The following XIRP2 variants were observed in gnomAD, a reference collection of about 807,000 sequenced individuals.
The protein encoded by XIRP2 is xin actin binding repeat containing 2, also known as xin actin-binding repeat-containing protein 2.
In XIRP2, 236 loss-of-function variants were observed where a neutral mutation model predicts 277.0. The observed-to-expected ratio is 0.85, with a 90% CI of 0.77 to 0.95. The LOEUF (loss-of-function observed/expected upper bound fraction) is 0.95. Ranked by LOEUF, XIRP2 falls within the 40% of genes least tolerant of loss-of-function variation. The pLI is 0.00. For missense variants in XIRP2, 4,640 were observed against 4,157.5 expected, an observed-to-expected ratio of 1.12 and a Z score of -3.19; for synonymous variants, 1,490 against 1,416.5, an observed-to-expected ratio of 1.05 and a Z score of -1.17.
intron 2 of XIRP2, among the ~76,000 whole-genome samples, chr2:166,982,147 C>T (rs978324351): frequency 6.6e-6 from 1 of 151,502 alleles, no homozygotes; most frequent in Non-Finnish European, 1.5e-5. Context: ...CTTTTTCTTT[C>T]GATATTTTAA....
chr2:167,234,629 G>T (rs947087626), intron 5 of XIRP2, among the ~76,000 whole-genome samples: 2 of 151,690 alleles, frequency 1.3e-5, no homozygotes, highest in African/African-American at 4.8e-5. Flanking sequence ...AACATTATCA[G>T]TTTAAGAGCT....
intron 2 of XIRP2, among the ~76,000 whole-genome samples, chr2:166,921,951 TA>T (rs1449306936): frequency 6.6e-6 from 1 of 152,172 alleles, no homozygotes; most frequent in African/African-American, 2.4e-5. Flanking sequence ...CTTACCACTC[TA>T]TATGCCTTAC....
intron 2 of XIRP2, among the ~76,000 whole-genome samples, chr2:167,005,953 G>C (rs143327900): frequency 1.3e-5 from 2 of 151,794 alleles, no homozygotes; most frequent in Admixed American, 6.6e-5. Flanking sequence ...GGTCTGATGC[G>C]TGTCCACATC....
intron 2 of XIRP2, among the ~76,000 whole-genome samples, chr2:167,134,238 A>T (rs539748807): frequency 1.3e-5 from 2 of 151,002 alleles, no homozygotes; most frequent in South Asian, 4.2e-4. Context: ...TATGTATATT[A>T]TATATTTGTG....
chr2:167,083,766 C>G (rs1387200734), intron 2 of XIRP2, among the ~76,000 whole-genome samples: 1 of 152,122 alleles, frequency 6.6e-6, no homozygotes, highest in East Asian at 1.9e-4. Context: ...TATAAGAATG[C>G]TTGTGATTTT....
In XIRP2 at chr2:167,247,812, T is replaced by C. The variant is rs769076906; in HGVS notation, c.6420T>C (p.His2140=). 1 of 1,613,414 alleles carries C rather than the reference T, an allele frequency of 6.2e-7. No homozygotes were observed. The highest frequency in any genetic ancestry group is 1.7e-5 in the Admixed American group (1 of 59,938). The change falls in exon 9 of 11, where the codon CAT becomes CAC. Residue 2140 remains histidine (H), a synonymous_variant. Transcript: ENST00000409195. Reference sequence around the variant, plus strand: ...ACCACCAGAAAATGGAGGGTTTTCATATAAAGAGTCCTAAAAAGACCAAAA... The same window carrying C: ...ACCACCAGAAAATGGAGGGTTTTCACATAAAGAGTCCTAAAAAGACCAAAA... ...RNDHQKMEGF[H]IKSPKKTKNI...
chr2:167,178,027 C>T (rs1423639341), intron 3 of XIRP2, among the ~76,000 whole-genome samples: 1 of 145,968 alleles, frequency 6.9e-6, no homozygotes, highest in Admixed American at 6.8e-5. Flanking sequence ...CAACATTATT[C>T]AGTAAAAACA....
At chr2:167,188,050 G>C (rs1693208676) in intron 3 of XIRP2, among the ~76,000 whole-genome samples, 1 of 152,234 alleles carries the variant, frequency 6.6e-6, no homozygotes, top group African/African-American at 2.4e-5. Context: ...TCTCCTCTGG[G>C]AGTATTACTG....
chr2:166,940,430 CCTT>C (rs1401244907), intron 2 of XIRP2, among the ~76,000 whole-genome samples: 1 of 152,178 alleles, frequency 6.6e-6, no homozygotes, highest in Non-Finnish European at 1.5e-5. Context: ...TCGTCTGAAG[CCTT>C]CTTCTCTCAA....
chr2:167,148,658 G>T (rs1005870495), intron 3 of XIRP2, among the ~76,000 whole-genome samples: 15 of 151,830 alleles, frequency 9.9e-5, no homozygotes, highest in African/African-American at 2.9e-4. Flanking sequence ...TTGTCAGGTT[G>T]GAATTTTAGA....
chr2:167,195,395 C>G (rs1026491688), intron 3 of XIRP2, among the ~76,000 whole-genome samples: 3 of 152,212 alleles, frequency 2.0e-5, no homozygotes, highest in African/African-American at 7.2e-5. Context: ...TATATTCTCT[C>G]TGATCACAGT....
chr2:167,246,695 C>G lies in XIRP2; in HGVS notation c.5303C>G (p.Thr1768Arg). The G allele has an allele frequency of 6.2e-7, 1 of 1,613,640 alleles. No individual in the cohort carries two copies. Among genetic ancestry groups the G allele is most frequent in the South Asian group, 1.1e-5 (1 of 91,066 alleles). Residue 1768 changes from threonine (T) to arginine (R), a missense_variant, in exon 9 of 11, where the codon ACA becomes AGA. Physicochemically the swap from Thr to Arg is moderately conservative, Grantham distance 71 (BLOSUM62 -1). Transcript: ENST00000409195. ...CAACTCCACACAGAGTCAAATGAAA[C>G]ACTGACAGCTAAGAAACAAGAAGGA... ...LKQLHTESNETLTAKKQEGEK... is the reference protein window; with the variant it reads ...LKQLHTESNERLTAKKQEGEK...
In XIRP2 at chr2:167,242,813, A is replaced by T. The variant is rs754144713; in HGVS notation, c.1421A>T (p.Glu474Val). 19 of 1,613,984 alleles carry T rather than the reference A, an allele frequency of 1.2e-5. No homozygotes were observed. The highest frequency in any genetic ancestry group is 1.6e-5 in the Non-Finnish European group (19 of 1,179,950). The change falls in exon 9 of 11, where the codon GAA (glutamate) becomes GTA (valine). Residue 474 changes from glutamate (E) to valine (V), a missense_variant. Transcript: ENST00000409195. ...GTGACAGCATTTTCCCAGTCCCCTG[A>T]ACTGCCCAGTCCTCCTAGAAGACTA... is the stretch of plus-strand genomic sequence containing the variant. Reference protein sequence around the residue: ...VDVTAFSQSPELPSPPRRLPV... With the variant: ...VDVTAFSQSPVLPSPPRRLPV...
chr2:167,040,105 C>T (rs1208970697), intron 2 of XIRP2, among the ~76,000 whole-genome samples: 2 of 151,828 alleles, frequency 1.3e-5, no homozygotes, highest in African/African-American at 2.4e-5. Context: ...ATATTAGAAG[C>T]ATTTTGTAAT....
intron 2 of XIRP2, among the ~76,000 whole-genome samples, chr2:167,128,451 C>T (rs923201179): frequency 2.6e-5 from 4 of 152,026 alleles, no homozygotes; most frequent in Admixed American, 1.3e-4. Flanking sequence ...ACAGTGTTGG[C>T]GAGCTGGGAA....
chr2:167,055,240 C>T (rs948647261), intron 2 of XIRP2, among the ~76,000 whole-genome samples: 1 of 152,096 alleles, frequency 6.6e-6, no homozygotes, highest in Non-Finnish European at 1.5e-5. Context: ...TGTCCATGCT[C>T]AAATGAGAAC....
chr2:167,111,522 C>T (rs1690754091), intron 2 of XIRP2, among the ~76,000 whole-genome samples: 1 of 152,054 alleles, frequency 6.6e-6, no homozygotes, highest in Non-Finnish European at 1.5e-5. Context: ...CAGTCATAAA[C>T]TCTATTTGAT....
At chr2:166,907,921 G>C (rs1208065736) in intron 2 of XIRP2, among the ~76,000 whole-genome samples, 1 of 151,834 alleles carries the variant, frequency 6.6e-6, no homozygotes, top group Non-Finnish European at 1.5e-5. Flanking sequence ...AGCTTCATCT[G>C]TGTCCCTACA....
chr2:167,082,025 C>T (rs901297319), intron 2 of XIRP2, among the ~76,000 whole-genome samples: 1 of 151,624 alleles, frequency 6.6e-6, no homozygotes, highest in African/African-American at 2.4e-5. Flanking sequence ...ATACATGTGC[C>T]ATGCTGGTGC....
Sources: allele counts gnomAD v4.1 joint callset (sites outside exome capture counted in the v4.1 genomes callset), GRCh38; gene constraint gnomAD v4.1.1; transcripts MANE v1.5; gene names NCBI Gene and HGNC (gene_info 2026-07-23, HGNC 2026-07-21).